OXR1: variants seen among roughly 807,000 people sequenced by gnomAD.
The protein encoded by OXR1 is oxidation resistance 1, also known as oxidation resistance protein 1.
OXR1 carries 41 observed loss-of-function variants against 104.6 expected under a neutral mutation model. The observed-to-expected ratio is 0.39, with a 90% CI of 0.31 to 0.51. The LOEUF (loss-of-function observed/expected upper bound fraction) is 0.51. OXR1 is among the 20% of genes least tolerant of loss of function. The probability of loss-of-function intolerance (pLI) is 0.77; values close to 1 mark genes in which losing one functional copy is unlikely to be tolerated. For synonymous variants in OXR1, 348 were observed against 348.4 expected, an observed-to-expected ratio of 1.00 and a Z score of 0.01; for missense variants, 955 against 1,031.9, an observed-to-expected ratio of 0.93 and a Z score of 1.02.
chr8:106,359,047 T>TTTTCTTTCTTTC (rs76498142), intron 1 of OXR1, among the ~76,000 whole-genome samples: 6,965 of 141,110 alleles, frequency 0.049, 474 homozygotes, highest in African/African-American at 0.14. Context: ...CATGGAATTC[T>TTTTCTTTCTTTC]TTTCTTTCTT....
intron 6 of OXR1, among the ~76,000 whole-genome samples, chr8:106,687,549 A>G (rs997868319): frequency 3.9e-5 from 6 of 152,162 alleles, no homozygotes; most frequent in African/African-American, 1.4e-4. Context: ...GGTGAAACCC[A>G]TCTTTACTAA....
At chr8:106,731,727 A>G (rs544340424) in intron 11 of OXR1, among the ~76,000 whole-genome samples, 3 of 152,226 alleles carry the variant, frequency 2.0e-5, no homozygotes, top group East Asian at 3.9e-4. Flanking sequence ...TGAGTGTTTT[A>G]TTGTGTATCA....
At chr8:106,324,272 A>G (rs1389133991) in intron 1 of OXR1, among the ~76,000 whole-genome samples, 2 of 152,210 alleles carry the variant, frequency 1.3e-5, no homozygotes, top group South Asian at 2.1e-4. Context: ...AGAAAACCCA[A>G]TACTGCATGT....
At chr8:106,694,419 A>C (rs1378359491) in intron 7 of OXR1, among the ~76,000 whole-genome samples, 5 of 139,922 alleles carry the variant, frequency 3.6e-5, no homozygotes, top group Non-Finnish European at 6.1e-5. Flanking sequence ...ATATTTATAT[A>C]TATATTTAAT....
At chr8:106,716,937 A>C (rs1167366816) in intron 11 of OXR1, among the ~76,000 whole-genome samples, 1 of 152,128 alleles carries the variant, frequency 6.6e-6, no homozygotes, top group Non-Finnish European at 1.5e-5. Context: ...GCCGAGGGTA[A>C]CAAATAAAAA....
intron 3 of OXR1, among the ~76,000 whole-genome samples, chr8:106,555,944 A>ATATAT (rs1241367266): frequency 8.4e-5 from 5 of 59,350 alleles, no homozygotes; most frequent in African/African-American, 1.2e-4. Flanking sequence ...ATATATATAT[A>ATATAT]TATACACAAT....
Position 106,348,143 on chromosome 8 carries a change from G to C in OXR1, c.-138-11333G>C, listed in dbSNP as rs985681238. ...GTTCATTGTGAAACATAAGGTCATG[G>C]ATGCATTTAGTTTATTTGGAGAGAA... On this transcript the variant is annotated intron_variant, in intron 1 of 16. Transcript: ENST00000517566. 9.2e-5 allele frequency among the ~76,000 whole-genome samples: 14 copies of C among 152,288 alleles called. No individual in the cohort carries two copies. In the East Asian group the frequency reaches 1.9e-3, roughly 21 times the overall value.
intron 1 of OXR1, among the ~76,000 whole-genome samples, chr8:106,274,206 C>G (rs1349547176): frequency 6.6e-6 from 1 of 152,192 alleles, no homozygotes; most frequent in African/African-American, 2.4e-5. Context: ...TATTGAGAAG[C>G]ATCAAGCCTT....
intron 2 of OXR1, among the ~76,000 whole-genome samples, chr8:106,512,477 C>A (rs1193438051): frequency 1.3e-5 from 2 of 151,850 alleles, no homozygotes; most frequent in Non-Finnish European, 2.9e-5. Flanking sequence ...TTCCAGACAA[C>A]TACAGAACTC....
At chr8:106,689,284 GT>G (rs1386506331) in intron 6 of OXR1, among the ~76,000 whole-genome samples, 6 of 151,950 alleles carry the variant, frequency 3.9e-5, no homozygotes, top group Non-Finnish European at 8.8e-5. Flanking sequence ...TGCCTTCCTT[GT>G]GACAAGTGGC....
At chr8:106,499,879 GC>G (rs1344281911) in intron 2 of OXR1, among the ~76,000 whole-genome samples, 1 of 152,210 alleles carries the variant, frequency 6.6e-6, no homozygotes, top group Non-Finnish European at 1.5e-5. Context: ...CACTGTCTCA[GC>G]AGTGACTTGC....
At position 106,661,222 on chromosome 8, in the gene OXR1, G is replaced by T. The variant is rs1366566344; in HGVS notation, c.221-17988G>T. On this transcript the variant is annotated intron_variant, in intron 3 of 16. Transcript: ENST00000517566. The stretch of plus-strand genomic sequence containing the variant: ...AAAAAAAACTTTGGTCAATGTTTCT[G>T]AGTTTACCCTTTCTATAAAGAAACC... Among the ~76,000 whole-genome samples the T allele has an allele frequency of 2.6e-5, 4 of 152,198 alleles. No individual in the cohort carries two copies. The Middle Eastern group carries it at 0.01, about 388-fold the overall frequency.
At chr8:106,551,852 GTA>G (rs1233299130) in intron 3 of OXR1, among the ~76,000 whole-genome samples, 45 of 107,476 alleles carry the variant, frequency 4.2e-4, no homozygotes, top group Admixed American at 9.1e-4. Flanking sequence ...ACATATATGT[GTA>G]TATATATGTG....
chr8:106,370,388 A>C (rs998228046), intron 2 of OXR1, among the ~76,000 whole-genome samples: 1 of 152,030 alleles, frequency 6.6e-6, no homozygotes, highest in Admixed American at 6.6e-5. Flanking sequence ...AATAGCCTTT[A>C]TTTCTTTCTC....
chr8:106,633,232 A>C (rs535774432), intron 3 of OXR1, among the ~76,000 whole-genome samples: 4 of 152,218 alleles, frequency 2.6e-5, no homozygotes, highest in African/African-American at 9.6e-5. Context: ...ATTCCATCAA[A>C]AAAACAAAAC....
At chr8:106,470,668 G>C (rs571515915) in intron 2 of OXR1, among the ~76,000 whole-genome samples, 2 of 151,796 alleles carry the variant, frequency 1.3e-5, no homozygotes, top group African/African-American at 4.8e-5. Flanking sequence ...CTTCACTGAG[G>C]CAGTAAGTGT....
chr8:106,726,097 C>T (rs1377114657), intron 11 of OXR1: 25 of 1,311,086 alleles, frequency 1.9e-5, no homozygotes, highest in Non-Finnish European at 2.1e-5. Context: ...AGCTCTCTCT[C>T]TTGTCAATCA....
intron 2 of OXR1, among the ~76,000 whole-genome samples, chr8:106,410,069 A>G (rs1479605149): frequency 6.6e-6 from 1 of 152,132 alleles, no homozygotes; most frequent in Admixed American, 6.6e-5. Flanking sequence ...AAAACTGACA[A>G]TGGATAGATA....
intron 1 of OXR1, among the ~76,000 whole-genome samples, chr8:106,289,812 C>G (rs957268289): frequency 6.6e-6 from 1 of 152,108 alleles, no homozygotes; most frequent in Non-Finnish European, 1.5e-5. Context: ...ATGGGAGTGA[C>G]CCAGTGGGAA....
Sources: allele counts gnomAD v4.1 joint callset (sites outside exome capture counted in the v4.1 genomes callset), GRCh38; gene constraint gnomAD v4.1.1; transcripts MANE v1.5; gene names NCBI Gene and HGNC (gene_info 2026-07-23, HGNC 2026-07-21).